The following TEX11 variants were observed in gnomAD, a reference collection of about 807,000 sequenced individuals.
The protein encoded by TEX11 is testis-expressed protein 11.
TEX11 carries 7 observed loss-of-function variants against 84.4 expected under a neutral mutation model. The observed-to-expected ratio is 0.08, with a 90% CI of 0.05 to 0.16. The LOEUF (loss-of-function observed/expected upper bound fraction) is 0.16, where lower values mean the gene tolerates loss of function less well. Among genes scored for constraint, TEX11 ranks in the 10% least tolerant of loss-of-function variants. The pLI is 1.00. For missense variants in TEX11, 551 were observed against 660.5 expected (o/e 0.83, Z 1.82); for synonymous variants, 264 against 222.8 (o/e 1.18, Z -1.64).
At chrX:70,882,808 T>C (rs1000911079) in intron 2 of TEX11, among the ~76,000 whole-genome samples, 23 of 111,641 alleles carry the variant, frequency 2.1e-4, no homozygotes, top group Non-Finnish European at 9.4e-5. Flanking sequence ...TAAGATGTTA[T>C]TGTAGAATAC....
intron 16 of TEX11, among the ~76,000 whole-genome samples, chrX:70,664,289 T>C (rs2147627247): frequency 8.9e-6 from 1 of 111,899 alleles, no homozygotes; most frequent in East Asian, 2.8e-4. Flanking sequence ...ATGCTGCTTT[T>C]AGAGCCATAT....
Position 70,785,955 on chromosome X carries a change from G to C in TEX11, c.692+20750C>G, listed in dbSNP as rs145785587. Among the ~76,000 whole-genome samples, 6 of 111,355 alleles carry C rather than the reference G, an allele frequency of 5.4e-5. No homozygotes were observed. In the East Asian group the frequency reaches 8.5e-4, roughly 16 times the overall value. The stretch of plus-strand genomic sequence containing the variant: ...AACTAGAAATAGCATTTGACCCAGC[G>C]ATCCCATTACTGGGTATATACCCAA... On this transcript the variant is annotated intron_variant, in intron 9 of 29. Transcript: ENST00000374333.
intron 25 of TEX11, among the ~76,000 whole-genome samples, chrX:70,565,344 T>C (rs1212850348): frequency 9.3e-6 from 1 of 107,906 alleles, no homozygotes; most frequent in Non-Finnish European, 1.9e-5. Context: ...TTTCTCCCAT[T>C]TTGTAGGTTG....
At chrX:70,809,184 C>G (rs1482619848) in intron 8 of TEX11, among the ~76,000 whole-genome samples, 1 of 111,755 alleles carries the variant, frequency 8.9e-6, no homozygotes, top group Non-Finnish European at 1.9e-5. Flanking sequence ...GATAAAATAA[C>G]TAATACATTC....
intron 9 of TEX11, among the ~76,000 whole-genome samples, chrX:70,757,654 C>A (rs1379536780): frequency 8.9e-6 from 1 of 111,809 alleles, no homozygotes; most frequent in Non-Finnish European, 1.9e-5. Context: ...CCGGTACCAG[C>A]CACTGCAAAA....
chrX:70,679,086 G>A (rs1442773665), intron 14 of TEX11, among the ~76,000 whole-genome samples, 197 bp from the exon 15 acceptor site: 2 of 112,615 alleles, frequency 1.8e-5, no homozygotes, highest in East Asian at 2.8e-4. Flanking sequence ...TTGCAGGCGC[G>A]CGCCGCCACG....
chrX:70,516,023 C>G, the TEX11 span, among the ~76,000 whole-genome samples: 1 of 111,667 alleles, frequency 9.0e-6, no homozygotes, highest in Non-Finnish European at 1.9e-5. Context: ...GTATATTAGC[C>G]CTTTGTCAGA....
chrX:70,887,661 G>A (rs1200144123), intron 2 of TEX11, among the ~76,000 whole-genome samples: 2 of 110,866 alleles, frequency 1.8e-5, no homozygotes, highest in Non-Finnish European at 3.8e-5. Context: ...ACCCTTAAGA[G>A]AAAGACAAAA....
intron 11 of TEX11, 96 bp from the exon 12 acceptor site, chrX:70,725,439 A>G (rs1437386718): frequency 5.8e-6 from 3 of 514,919 alleles, no homozygotes; most frequent in Admixed American, 6.0e-5. Flanking sequence ...ACCTTGGGAT[A>G]ACTCATAATC....
intron 11 of TEX11, among the ~76,000 whole-genome samples, chrX:70,728,651 A>G (rs1347172616): frequency 1.8e-5 from 2 of 109,612 alleles, no homozygotes; most frequent in Non-Finnish European, 3.8e-5. Flanking sequence ...TGAGTAGGTA[A>G]ACAAAGAGGC....
intron 13 of TEX11, among the ~76,000 whole-genome samples, chrX:70,720,166 T>C (rs1385434539): frequency 8.9e-6 from 1 of 112,011 alleles, no homozygotes; most frequent in Non-Finnish European, 1.9e-5. Context: ...GTGGCATATA[T>C]ACACCATGGA....
intron 16 of TEX11, among the ~76,000 whole-genome samples, chrX:70,654,709 C>CAAAAAAAAAA (rs56822297): frequency 5.3e-5 from 2 of 37,619 alleles, no homozygotes; most frequent in East Asian, 8.5e-4. Flanking sequence ...GACTCTGTCT[C>CAAAAAAAAAA]AAAAAAAAAA....
At chrX:70,743,869 A>AG (rs1189392031) in intron 10 of TEX11, among the ~76,000 whole-genome samples, 4 of 58,356 alleles carry the variant, frequency 6.9e-5, no homozygotes, top group Non-Finnish European at 1.3e-4. Flanking sequence ...ACTCTATCTC[A>AG]AAACACACAC....
intron 8 of TEX11, among the ~76,000 whole-genome samples, chrX:70,824,083 C>T (rs775476848): frequency 1.5e-4 from 17 of 111,784 alleles, no homozygotes; most frequent in Non-Finnish European, 3.0e-4. Context: ...AGTAAGTATG[C>T]ACCACCCTTT....
intron 9 of TEX11, among the ~76,000 whole-genome samples, chrX:70,800,128 A>G (rs941859176): frequency 4.5e-5 from 5 of 111,784 alleles, no homozygotes; most frequent in Non-Finnish European, 9.4e-5. Flanking sequence ...ATGTAAATAT[A>G]AAGTGTTTTT....
chrX:70,759,519 A>T (rs905637357), intron 9 of TEX11, among the ~76,000 whole-genome samples: 1 of 112,027 alleles, frequency 8.9e-6, no homozygotes, highest in African/African-American at 3.2e-5. Flanking sequence ...AAACCATATG[A>T]TTATCTCAAT....
chrX:70,669,115 T>A (rs1325322166), intron 16 of TEX11, among the ~76,000 whole-genome samples: 1 of 111,930 alleles, frequency 8.9e-6, no homozygotes, highest in African/African-American at 3.2e-5. Context: ...CTTGAGTGAG[T>A]TGAAGGCAAC....
intron 17 of TEX11, among the ~76,000 whole-genome samples, chrX:70,634,100 A>T (rs2089541913): frequency 8.9e-6 from 1 of 112,059 alleles, no homozygotes; most frequent in Admixed American, 9.5e-5. Context: ...CGGAAACCAA[A>T]TTTTTTTAAA....
intron 9 of TEX11, among the ~76,000 whole-genome samples, chrX:70,751,359 C>T (rs2090823031): frequency 9.4e-6 from 1 of 106,113 alleles, no homozygotes; most frequent in South Asian, 4.5e-4. Context: ...TGGAAACCAT[C>T]ATTCTCAGCA....
Sources: gnomAD v4.1 joint callset for allele counts (sites outside exome capture counted in the v4.1 genomes callset) on GRCh38, gnomAD v4.1.1 for gene constraint, MANE v1.5 for transcripts, NCBI Gene and HGNC (gene_info 2026-07-23, HGNC 2026-07-21) for gene names.